Variants in SEC62 observed in about 807,000 individuals in gnomAD.
SEC62 encodes the protein SEC62 preprotein translocation factor.
Under a neutral mutation model 47.5 loss-of-function variants are expected in SEC62, and 10 were observed. The observed-to-expected ratio is 0.21, with a 90% CI of 0.13 to 0.36. The LOEUF (loss-of-function observed/expected upper bound fraction) is 0.36, where lower values mean the gene tolerates loss of function less well. SEC62 is among the 10% of genes least tolerant of loss of function. The pLI is 1.00. For synonymous variants in SEC62, 136 were observed against 150.5 expected, an observed-to-expected ratio of 0.90 and a Z score of 0.71; for missense variants, 327 against 464.1, an observed-to-expected ratio of 0.70 and a Z score of 2.71.
chr3:169,990,306 A>G (rs909124600), intron 7 of SEC62, among the ~76,000 whole-genome samples: 1 of 151,538 alleles, frequency 6.6e-6, no homozygotes. Context: ...AATATTATGT[A>G]TTGGTCACAA....
At chr3:169,981,768 T>C (rs999864198) in intron 3 of SEC62, among the ~76,000 whole-genome samples, 1 of 152,176 alleles carries the variant, frequency 6.6e-6, no homozygotes, top group African/African-American at 2.4e-5. Context: ...CTCTCTCTCT[T>C]AAGAAGTTTA....
At chr3:169,975,758 A>G (rs1307986155) in intron 2 of SEC62, 42 bp downstream of exon 2, 1 of 1,361,534 alleles carries the variant, frequency 7.3e-7, no homozygotes, top group Middle Eastern at 1.8e-4. Flanking sequence ...TACATATGTT[A>G]TGAAGTTAAC....
intron 6 of SEC62, 110 bp downstream of exon 6, chr3:169,985,975 TTTAAAAA>T: frequency 3.1e-6 from 2 of 642,040 alleles, no homozygotes; most frequent in Non-Finnish European, 5.1e-6. Context: ...TAGTTGTCAT[TTTAAAAA>T]TACTTTAAAT....
chr3:169,995,580 T>G lies in SEC62; in HGVS notation c.*2517T>G, dbSNP rs1355662420. The G allele has an allele frequency of 6.6e-6, 1 of 152,196 alleles. No individual in the cohort carries two copies. Among genetic ancestry groups the G allele is most frequent in the East Asian group, 1.9e-4 (1 of 5,200 alleles). 9.4% of individuals were successfully genotyped at this position (152,196 alleles called of 1,614,324 possible). ...CTGGTTTTACATCATGAGGATCAGT[T>G]AGCTGCTGACAAGAAAAGTCATCTT... On this transcript the variant is annotated 3_prime_UTR_variant, in exon 8 of 8. Coordinates refer to ENST00000337002, the MANE Select transcript of SEC62 (RefSeq NM_003262.4).
Position 169,967,032 on chromosome 3 carries a change from G to T in SEC62, c.36+174G>T, listed in dbSNP as rs1292950834. 2.0e-5 allele frequency among the ~76,000 whole-genome samples: 3 copies of T among 152,228 alleles called. No homozygotes were observed. The East Asian group carries it at 5.8e-4, about 29-fold the overall frequency. On this transcript the variant is annotated intron_variant, in intron 1 of 7. Coordinates refer to ENST00000337002, the MANE Select transcript of SEC62 (RefSeq NM_003262.4). ...CGCGTTGTGAGGGGCCTGAGGGGGG[G>T]CGGTGTTGGCGACGGCGGAGACAGA...
rs1715393975 is a variant in SEC62 at position 169,997,033 on chromosome 3, C to T, written c.*3970C>T. The T allele has an allele frequency of 1.3e-5, 2 of 152,220 alleles. No individual in the cohort carries two copies. Among genetic ancestry groups the T allele is most frequent in the African/African-American group, 4.8e-5 (2 of 41,458 alleles). 9.4% of individuals were successfully genotyped at this position (152,220 alleles called of 1,614,324 possible). A position where few individuals can be genotyped will look rare whatever the true frequency, so the allele number is the denominator to read the frequency against. ...ATAACTTTATACAGCATGTTGTAAGCATTTTGATAACTAAAATCCTGTTCT... is the reference window on the plus strand; with the variant it reads ...ATAACTTTATACAGCATGTTGTAAGTATTTTGATAACTAAAATCCTGTTCT... On this transcript the variant is annotated 3_prime_UTR_variant, in exon 8 of 8. Transcript: ENST00000337002.
At chr3:169,986,240 A>G (rs1436496981) in intron 6 of SEC62, among the ~76,000 whole-genome samples, 1 of 152,288 alleles carries the variant, frequency 6.6e-6, no homozygotes, top group South Asian at 2.1e-4. Context: ...GTTGATAGGT[A>G]TGTCTATTGT....
At chr3:169,974,611 C>T (rs548068573) in intron 1 of SEC62, among the ~76,000 whole-genome samples, 13 of 152,312 alleles carry the variant, frequency 8.5e-5, no homozygotes, top group Admixed American at 7.8e-4. Context: ...TTTGTCAGTG[C>T]ACTTCCATTA....
At chr3:169,978,857 G>A (rs1159915851) in intron 3 of SEC62, among the ~76,000 whole-genome samples, 3 of 152,126 alleles carry the variant, frequency 2.0e-5, no homozygotes, top group Non-Finnish European at 1.5e-5. Flanking sequence ...CTTTATCTAA[G>A]GCTACACAGC....
chr3:169,973,350 AAT>A (rs1373674167), intron 1 of SEC62, among the ~76,000 whole-genome samples: 2 of 152,022 alleles, frequency 1.3e-5, no homozygotes. Flanking sequence ...TTAAATTTTG[AAT>A]TTGCCATTTT....
At chr3:169,989,378 A>G (rs1559967778) in intron 7 of SEC62, among the ~76,000 whole-genome samples, 2 of 23,064 alleles carry the variant, frequency 8.7e-5, no homozygotes, top group Non-Finnish European at 1.8e-4. Context: ...CACCACGCCC[A>G]GCCTCCTTCC....
intron 1 of SEC62, among the ~76,000 whole-genome samples, chr3:169,973,953 C>T (rs975647979): frequency 5.3e-5 from 8 of 152,200 alleles, no homozygotes; most frequent in African/African-American, 1.9e-4. Context: ...CAAAAACTTC[C>T]ACTTCATCTA....
At chr3:169,988,956 A>G (rs971808165) in intron 7 of SEC62, among the ~76,000 whole-genome samples, 3 of 152,102 alleles carry the variant, frequency 2.0e-5, no homozygotes, top group Non-Finnish European at 4.4e-5. Context: ...TAAACAATTG[A>G]TTTGCCATTT....
intron 3 of SEC62, among the ~76,000 whole-genome samples, chr3:169,980,529 G>T (rs1218949521): frequency 6.6e-6 from 1 of 152,168 alleles, no homozygotes; most frequent in Non-Finnish European, 1.5e-5. Flanking sequence ...TTTCGTGGGG[G>T]TGGGCAGCTG....
intron 7 of SEC62, among the ~76,000 whole-genome samples, chr3:169,989,322 T>TCAAC (rs1715181785): frequency 6.7e-6 from 1 of 148,880 alleles, no homozygotes; most frequent in Non-Finnish European, 1.5e-5. Flanking sequence ...CCTCAGGTGA[T>TCAAC]CTGCCCTCCT....
chr3:169,980,959 G>A (rs1714959400), intron 3 of SEC62, among the ~76,000 whole-genome samples: 2 of 152,096 alleles, frequency 1.3e-5, no homozygotes, highest in African/African-American at 2.4e-5. Context: ...TCATATAAGT[G>A]CACAAAGAAA....
At chr3:169,989,034 A>C (rs75206965) in intron 7 of SEC62, among the ~76,000 whole-genome samples, 4,346 of 151,974 alleles carry the variant, frequency 0.029, 219 homozygotes, top group African/African-American at 0.1. Context: ...AATGTTTTAA[A>C]AATCAAATAG....
chr3:169,969,020 C>A (rs1323040946), intron 1 of SEC62, among the ~76,000 whole-genome samples: 1 of 152,106 alleles, frequency 6.6e-6, no homozygotes, highest in Non-Finnish European at 1.5e-5. Context: ...TATAATACAT[C>A]ACTTGTGATA....
rs1349756288 is a variant in SEC62, at chr3:169,994,846, A to G, written c.*1783A>G. 3.3e-5 allele frequency: 5 copies of G among 152,138 alleles called. No individual in the cohort carries two copies. Among genetic ancestry groups the G allele is most frequent in the African/African-American group, 1.2e-4 (5 of 41,442 alleles). The allele number at this position is 152,138 out of a possible 1,614,324, so 9.4% of individuals were successfully genotyped here. A position where few individuals can be genotyped will look rare whatever the true frequency, so the allele number is the denominator to read the frequency against. On this transcript the variant is annotated 3_prime_UTR_variant, in exon 8 of 8. Transcript: ENST00000337002. ...TATTCATCCTGAAATTTTTTATAAT[A>G]TATGTAATTTGTCTAGTCTTAAAGA...
Sources: gnomAD v4.1 joint callset for allele counts (sites outside exome capture counted in the v4.1 genomes callset) on GRCh38, gnomAD v4.1.1 for gene constraint, MANE v1.5 for transcripts, NCBI Gene and HGNC (gene_info 2026-07-23, HGNC 2026-07-21) for gene names.